The following PRLR variants were observed in gnomAD, a reference collection of about 807,000 sequenced individuals.
The protein encoded by PRLR is hPRL receptor.
A neutral mutation model predicts 40.2 loss-of-function variants in PRLR; 13 were observed. That is an observed-to-expected ratio of 0.32 (90% confidence interval 0.21 to 0.51). The LOEUF (loss-of-function observed/expected upper bound fraction) is 0.51. Ranked by LOEUF, PRLR falls within the 20% of genes least tolerant of loss-of-function variation. The pLI is 0.97. For synonymous variants in PRLR, 269 were observed against 278.7 expected (o/e 0.97, Z 0.35); for missense variants, 656 against 747.3 (o/e 0.88, Z 1.42).
chr5:35,118,963 T>C (rs149555717), intron 1 of PRLR, among the ~76,000 whole-genome samples: 4,123 of 152,008 alleles, frequency 0.027, 97 homozygotes, highest in Middle Eastern at 0.1. Context: ...CCTGGCGAAG[T>C]TTTTGTATTT....
intron 1 of PRLR, among the ~76,000 whole-genome samples, chr5:35,211,005 G>A (rs373761021): frequency 2.0e-5 from 3 of 152,160 alleles, no homozygotes; most frequent in South Asian, 2.1e-4. Flanking sequence ...GAGCCACTGC[G>A]CTCATCCTAA....
At chr5:35,053,794 G>A (rs185093898), downstream of PRLR, among the ~76,000 whole-genome samples, 6 of 152,244 alleles carry the variant, frequency 3.9e-5, no homozygotes, top group East Asian at 1.9e-4. Flanking sequence ...TAGGAGACCC[G>A]ATAGGCTCAT....
intron 1 of PRLR, among the ~76,000 whole-genome samples, chr5:35,197,904 G>A (rs933038360): frequency 6.6e-6 from 1 of 152,238 alleles, no homozygotes; most frequent in African/African-American, 2.4e-5. Context: ...GGAGAGGTAA[G>A]ACTGGCAAGC....
At chr5:35,148,407 G>T (rs1294171405) in intron 1 of PRLR, among the ~76,000 whole-genome samples, 1 of 152,082 alleles carries the variant, frequency 6.6e-6, no homozygotes, top group African/African-American at 2.4e-5. Flanking sequence ...AGGAAAAAAA[G>T]GCTTAATTTT....
At chr5:35,078,698 A>C (rs1770283063) in intron 5 of PRLR, among the ~76,000 whole-genome samples, 1 of 152,212 alleles carries the variant, frequency 6.6e-6, no homozygotes, top group Non-Finnish European at 1.5e-5. Flanking sequence ...ATCCTCCCTA[A>C]CTCATTTCGT....
intron 1 of PRLR, among the ~76,000 whole-genome samples, chr5:35,184,381 G>T (rs559109970): frequency 6.6e-6 from 1 of 152,160 alleles, no homozygotes; most frequent in South Asian, 2.1e-4. Flanking sequence ...AGGTGTGGTG[G>T]CATGCCCCTG....
rs549279052 is a variant in PRLR, at chr5:35,159,084, T to C, written c.-105-40962A>G. On this transcript the variant is annotated intron_variant, in intron 1 of 9. Coordinates refer to ENST00000618457, the MANE Select transcript of PRLR (RefSeq NM_000949.7). ...AGTAACAATGAACCAGCACAAGTGA[T>C]TGAGTGGGGTGTCATGTTCTACAGC... Among the ~76,000 whole-genome samples the C allele has an allele frequency of 4.3e-4, 66 of 152,286 alleles. 1 individual carries two copies. In the South Asian group the frequency reaches 0.013, roughly 31 times the overall value.
intron 1 of PRLR, among the ~76,000 whole-genome samples, chr5:35,168,408 C>G (rs989038667): frequency 5.3e-5 from 8 of 151,962 alleles, no homozygotes; most frequent in Admixed American, 5.2e-4. Context: ...AATGTATGTT[C>G]CTTTTAAGTA....
intron 1 of PRLR, among the ~76,000 whole-genome samples, chr5:35,222,129 C>A (rs1039910393): frequency 6.6e-6 from 1 of 152,114 alleles, no homozygotes; most frequent in Admixed American, 6.5e-5. Flanking sequence ...ATGGTGAAAC[C>A]CCATCTCTAC....
intron 5 of PRLR, among the ~76,000 whole-genome samples, chr5:35,073,233 T>G (rs1290516614): frequency 6.6e-6 from 1 of 152,218 alleles, no homozygotes; most frequent in African/African-American, 2.4e-5. Context: ...AGATTCCATC[T>G]TCGTTTCAGC....
At chr5:35,204,909 C>T (rs1775975667) in intron 1 of PRLR, among the ~76,000 whole-genome samples, 1 of 152,094 alleles carries the variant, frequency 6.6e-6, no homozygotes, top group Non-Finnish European at 1.5e-5. Flanking sequence ...CTTAATCACC[C>T]TTTGAAGAAA....
At chr5:35,103,143 G>A (rs1433082231) in intron 2 of PRLR, among the ~76,000 whole-genome samples, 1 of 152,100 alleles carries the variant, frequency 6.6e-6, no homozygotes, top group East Asian at 1.9e-4. Flanking sequence ...CTTGCTTCCT[G>A]GATCTCATAT....
chr5:35,078,271 T>G (rs1049373450), intron 5 of PRLR, among the ~76,000 whole-genome samples: 3 of 152,086 alleles, frequency 2.0e-5, no homozygotes, highest in African/African-American at 4.8e-5. Context: ...CAGGAGCGGT[T>G]TTTTGAAAAG....
At chr5:35,078,346 A>G (rs532277319) in intron 5 of PRLR, among the ~76,000 whole-genome samples, 2 of 152,182 alleles carry the variant, frequency 1.3e-5, no homozygotes, top group Admixed American at 6.5e-5. Flanking sequence ...AATGAAATAC[A>G]TGCAATAAAA....
At chr5:35,049,702 A>G (rs2112319237) in intron 8 of PRLR, among the ~76,000 whole-genome samples, 1 of 152,234 alleles carries the variant, frequency 6.6e-6, no homozygotes, top group South Asian at 2.1e-4. Flanking sequence ...TTTGTTTAAT[A>G]AGTTCCTTTT....
At chr5:35,094,897 C>T (rs972947932) in intron 2 of PRLR, among the ~76,000 whole-genome samples, 5 of 150,248 alleles carry the variant, frequency 3.3e-5, no homozygotes, top group African/African-American at 7.4e-5. Context: ...GCATGATCAC[C>T]GCTCACTGCA....
At chr5:35,094,351 T>A (rs542253933) in intron 2 of PRLR, among the ~76,000 whole-genome samples, 2 of 152,384 alleles carry the variant, frequency 1.3e-5, no homozygotes, top group South Asian at 4.1e-4. Flanking sequence ...TGTTGTTACA[T>A]GTAGTTTTAC....
In PRLR at chr5:35,087,372, A is replaced by C. The variant is rs1285856844; in HGVS notation, c.71-1032T>G. Among the ~76,000 whole-genome samples, 4 of 149,236 alleles carry C rather than the reference A, an allele frequency of 2.7e-5. No homozygotes were observed. In the East Asian group the frequency reaches 7.8e-4, roughly 29 times the overall value. ...CTCATCCACCCCATCCCCATTTCTG[A>C]ATCTTGGTTTTTAGTCCTTTTTTTT... On this transcript the variant is annotated intron_variant, in intron 3 of 9. Coordinates refer to ENST00000618457, the MANE Select transcript of PRLR (RefSeq NM_000949.7).
intron 1 of PRLR, among the ~76,000 whole-genome samples, chr5:35,159,344 A>C (rs1467345758): frequency 1.3e-5 from 2 of 151,356 alleles, no homozygotes; most frequent in African/African-American, 4.8e-5. Flanking sequence ...AAAAGGAAAT[A>C]AACACGAAAA....
Sources: gnomAD v4.1 joint callset for allele counts (sites outside exome capture counted in the v4.1 genomes callset) on GRCh38, gnomAD v4.1.1 for gene constraint, MANE v1.5 for transcripts, NCBI Gene and HGNC (gene_info 2026-07-23, HGNC 2026-07-21) for gene names.